The following CD209 variants were observed in gnomAD, a reference collection of about 807,000 sequenced individuals.
CD209 encodes CD209 antigen.
In CD209, 31 loss-of-function variants were observed where a neutral mutation model predicts 44.7. The ratio of observed to expected loss-of-function variants is 0.69; its 90% confidence interval spans 0.52 to 0.94. The LOEUF is 0.94. CD209 is among the 40% of genes least tolerant of loss of function. CD209 has a pLI of 0.00. For missense variants in CD209, 407 were observed against 452.4 expected (o/e 0.90, Z 0.91); for synonymous variants, 173 against 181.3 (o/e 0.95, Z 0.37).
chr19:7,744,365 C>T (rs2146319497), intron 5 of CD209, 146 bp from the exon 6 acceptor site: 2 of 637,594 alleles, frequency 3.1e-6, no homozygotes, highest in Admixed American at 2.7e-5. Flanking sequence ...TGTCTGAGTC[C>T]CTCTCACATG....
In CD209 at chr19:7,741,541, A is replaced by G. The variant is rs73921550; in HGVS notation, c.*1498T>C. On this transcript the variant is annotated 3_prime_UTR_variant, in exon 7 of 7. Coordinates refer to ENST00000315599, the MANE Select transcript of CD209 (RefSeq NM_021155.4). The stretch of plus-strand genomic sequence containing the variant: ...AACGTGGGGAGAGTGATTCAGTTCA[A>G]GGTCAGTTGCAACTTGGAACCTCAC... 444 of 617,580 alleles carry G rather than the reference A, an allele frequency of 7.2e-4. 5 individuals are homozygous for G. The highest frequency in any genetic ancestry group is 7.0e-3 in the African/African-American group (377 of 54,206). 38.3% of individuals were successfully genotyped at this position (617,580 alleles called of 1,614,324 possible). A position where few individuals can be genotyped will look rare whatever the true frequency, so the allele number is the denominator to read the frequency against.
In CD209 at chr19:7,745,063, A is replaced by C; in HGVS notation, c.778T>G (p.Trp260Gly). Reference sequence around the variant, plus strand: ...TAACAGTTTCCTTGGAAGAATGTCCATTCCCAGGGACAGGGGTGGCACAGG... The same window carrying C: ...TAACAGTTTCCTTGGAAGAATGTCCCTTCCCAGGGACAGGGGTGGCACAGG... ...ERLCHPCPWEWTFFQGNCYFM... is the reference protein window; with the variant it reads ...ERLCHPCPWEGTFFQGNCYFM... Residue 260 changes from tryptophan (W) to glycine (G), a missense_variant, in exon 5 of 7, where the codon TGG (tryptophan) becomes GGG (glycine). Coordinates refer to ENST00000315599, the MANE Select transcript of CD209 (RefSeq NM_021155.4). 3 of 1,614,228 alleles carry C rather than the reference A, an allele frequency of 1.9e-6. No individual in the cohort carries two copies. The highest frequency in any genetic ancestry group is 2.5e-6 in the Non-Finnish European group (3 of 1,180,028).
Position 7,746,522 on chromosome 19 carries a change from C to A in CD209, c.116G>T (p.Gly39Val), listed in dbSNP as rs2033832280. 1 of 1,613,794 alleles carries A rather than the reference C, an allele frequency of 6.2e-7. No homozygotes were observed. ...GAGTTGCAGCACCAGGGGACCATGG[C>A]CAAGACACCCTGAGAGAGGATACAT... is the stretch of plus-strand genomic sequence containing the variant. ...RGYKSLAGCL[G>V]HGPLVLQLLS... is the part of the protein sequence containing the mutation. Residue 39 changes from glycine (G) to valine (V), a missense_variant, in exon 3 of 7, where the codon GGC becomes GTC. Gly to Val is a moderately radical substitution (Grantham distance 109). Transcript: ENST00000315599.
In CD209 at chr19:7,747,315, T is replaced by C. The variant is rs1447997798; in HGVS notation, c.97A>G (p.Ser33Gly). The C allele has an allele frequency of 2.5e-6, 4 of 1,614,110 alleles. No individual in the cohort carries two copies. Among genetic ancestry groups the C allele is most frequent in the Non-Finnish European group, 3.4e-6 (4 of 1,180,048 alleles). Reference sequence around the variant, plus strand: ...GCTAAGTCCTCTCTACCTGCTAAGCTCTTGTATCCTCGAGTCTGTCGGAAT... The same window carrying C: ...GCTAAGTCCTCTCTACCTGCTAAGCCCTTGTATCCTCGAGTCTGTCGGAAT... ...LGFRQTRGYK[S>G]LAGCLGHGPL... Residue 33 changes from serine (S) to glycine (G), a missense_variant, in exon 2 of 7, where the codon AGC (serine) becomes GGC (glycine). Transcript: ENST00000315599.
chr19:7,743,203 C>T lies in CD209; in HGVS notation c.1051G>A (p.Val351Ile), dbSNP rs945126737. The T allele has an allele frequency of 1.2e-6, 2 of 1,614,168 alleles. No homozygotes were observed. The highest frequency in any genetic ancestry group is 8.5e-7 in the Non-Finnish European group (1 of 1,180,008). Residue 351 changes from valine to isoleucine, a missense_variant, in exon 7 of 7, where the codon GTT becomes ATT. Physicochemically the swap from Val to Ile is conservative, Grantham distance 29 (BLOSUM62 3). This residue lies in a region of CD209 where 200 missense variants were observed against 202.2 expected (regional missense o/e 0.99). Transcript: ENST00000315599. ...QYWNRGEPNN[V>I]GEEDCAEFSG... ...AATTCCGCGCAGTCTTCCTCCCCAA[C>T]GTTGTTGGGCTCTCCTCTGTTCCAA...
chr19:7,746,702 G>A (rs1180279684), intron 2 of CD209, among the ~76,000 whole-genome samples, 171 bp from the exon 3 acceptor site: 2 of 149,770 alleles, frequency 1.3e-5, no homozygotes, highest in Non-Finnish European at 3.0e-5. Flanking sequence ...AGGACCCAGG[G>A]ACCCCGTCCC....
Position 7,744,919 on chromosome 19 carries a change from C to T in CD209, c.900+22G>A, listed in dbSNP as rs199736139. 1,919 of 1,613,684 alleles carry T rather than the reference C, an allele frequency of 1.2e-3. 3 individuals carry two copies. The highest frequency in any genetic ancestry group is 4.3e-3 in the Middle Eastern group (26 of 6,062). ...CCAGAAGCCATGCCCTAGGCCAGGA[C>T]GGGGACCCCCACCAGGTGTACCTGC... On this transcript the variant is annotated intron_variant, in intron 5 of 6. Transcript: ENST00000315599.
In CD209 at chr19:7,740,915, C is replaced by G. The variant is rs367767330; in HGVS notation, c.*2124G>C. The G allele has an allele frequency of 2.1e-5, 15 of 729,786 alleles. No individual in the cohort carries two copies. Among genetic ancestry groups the G allele is most frequent in the South Asian group, 1.4e-4 (9 of 66,592 alleles). The allele number at this position is 729,786 out of a possible 1,614,324, so 45.2% of individuals were successfully genotyped here. ...CCACATGGCAAAACCCGGAACCCCC[C>G]CTTGGATTTCAGAGTCATGGAGAAG... On this transcript the variant is annotated 3_prime_UTR_variant, in exon 7 of 7. Transcript: ENST00000315599.
intron 3 of CD209, 77 bp from the exon 4 acceptor site, chr19:7,746,164 A>G (rs2033815017): frequency 6.3e-7 from 1 of 1,575,638 alleles, no homozygotes. Context: ...CCCCATAGGG[A>G]CATCATTTGT....
Position 7,741,652 on chromosome 19 carries a change from C to A in CD209, c.*1387G>T. 4 of 877,424 alleles carry A rather than the reference C, an allele frequency of 4.6e-6. No homozygotes were observed. Among genetic ancestry groups the A allele is most frequent in the Non-Finnish European group, 5.5e-6 (3 of 544,044 alleles). 54.4% of individuals were successfully genotyped at this position (877,424 alleles called of 1,614,324 possible). ...TCTGTTTAACGGACGATGGTATGTA[C>A]GCAGGACGACAGCTTCAGTGTGAAT... On this transcript the variant is annotated 3_prime_UTR_variant, in exon 7 of 7. Transcript: ENST00000315599.
intron 6 of CD209, among the ~76,000 whole-genome samples, chr19:7,743,823 C>A (rs112039104): frequency 0.036 from 5,515 of 152,230 alleles, 258 homozygotes; most frequent in African/African-American, 0.11. Context: ...TGGCAGGTGT[C>A]TCCTGAGCTG....
In CD209 at chr19:7,743,260, T is replaced by A. The variant is rs756319987; in HGVS notation, c.1014-20A>T. 1 of 1,604,104 alleles carries A rather than the reference T, an allele frequency of 6.2e-7. No homozygotes were observed. The highest frequency in any genetic ancestry group is 1.7e-5 in the Admixed American group (1 of 59,986). ...TTGAAGCTGCAAAGCCCATGCGGAA[T>A]GTGAGCCTCTGTCCCCGCCAGCTAC... On this transcript the variant is annotated intron_variant, in intron 6 of 6. Coordinates refer to ENST00000315599, the MANE Select transcript of CD209 (RefSeq NM_021155.4).
In CD209 at chr19:7,746,038, C is replaced by T. The variant is rs267605765; in HGVS notation, c.228G>A (p.Ala76=). 3.0e-5 allele frequency: 48 copies of T among 1,614,238 alleles called. No individual in the cohort carries two copies. The East Asian group carries it at 7.4e-4, about 25-fold the overall frequency. ...TAAGCTGGGTCAGGTTCTGGTAGAT[C>T]GCGTCTTGCCTGGATTGTTCCTGAC... ...SISQEQSRQD[A]IYQNLTQLKA... The change falls in exon 4 of 7, where the codon GCG becomes GCA. Residue 76 remains alanine, a synonymous_variant. Coordinates refer to ENST00000315599, the MANE Select transcript of CD209 (RefSeq NM_021155.4).
chr19:7,744,965 G>T lies in CD209; in HGVS notation c.876C>A (p.Val292=), dbSNP rs146541119. The T allele has an allele frequency of 6.2e-7, 1 of 1,614,186 alleles. No homozygotes were observed. The highest frequency in any genetic ancestry group is 2.2e-5 in the East Asian group (1 of 44,886). The change falls in exon 5 of 7, where the codon GTC becomes GTA. Residue 292 remains valine (V), a synonymous_variant. Transcript: ENST00000315599. ...TACKEVGAQL[V]VIKSAEEQNF... is the part of the protein sequence containing the mutation. ...CCTGCTCCTCAGCACTTTTGATTAC[G>T]ACGAGCTGGGCCCCCACTTCTTTGC...
rs1358194137 is a variant in CD209 at position 7,741,582 on chromosome 19, A to G, written c.*1457T>C. Reference sequence around the variant, plus strand: ...GGAACCTCACCTGAGGGGCAAGTATATATGTTCAGTACCAGTCGGAAGAAG... The same window carrying G: ...GGAACCTCACCTGAGGGGCAAGTATGTATGTTCAGTACCAGTCGGAAGAAG... On this transcript the variant is annotated 3_prime_UTR_variant, in exon 7 of 7. Transcript: ENST00000315599. The G allele has an allele frequency of 8.1e-6, 6 of 737,178 alleles. No homozygotes were observed. The highest frequency in any genetic ancestry group is 3.6e-5 in the Admixed American group (2 of 55,054). 45.7% of individuals were successfully genotyped at this position (737,178 alleles called of 1,614,324 possible). A position where few individuals can be genotyped will look rare whatever the true frequency, so the allele number is the denominator to read the frequency against.
In CD209 at chr19:7,741,065, A is replaced by T. The variant is rs11465413; in HGVS notation, c.*1974T>A. 0.13 allele frequency: 106,355 copies of T among 820,240 alleles called. 10,771 individuals are homozygous for T. The highest frequency in any genetic ancestry group is 0.43 in the African/African-American group (26,338 of 60,870). The allele number at this position is 820,240 out of a possible 1,614,324, so 50.8% of individuals were successfully genotyped here. On this transcript the variant is annotated 3_prime_UTR_variant, in exon 7 of 7. Coordinates refer to ENST00000315599, the MANE Select transcript of CD209 (RefSeq NM_021155.4). The stretch of plus-strand genomic sequence containing the variant: ...AAAAGCATGTTTACAGTGTTTGGAA[A>T]GGAGCAGTGCAGGAGGGATGACTAT...
Position 7,747,398 on chromosome 19 carries a change from C to G in CD209, c.47-33G>C, listed in dbSNP as rs755435491. ...GATAGACGTGAAATCAGAGCCTGGG[C>G]AGGCTGAGGCCATGGCTGGCCATCC... is the stretch of plus-strand genomic sequence containing the variant. On this transcript the variant is annotated intron_variant, in intron 1 of 6. Transcript: ENST00000315599. 5.0e-6 allele frequency: 8 copies of G among 1,614,122 alleles called. No homozygotes were observed. In the South Asian group the frequency reaches 8.8e-5, roughly 18 times the overall value.
At chr19:7,744,385 C>T (rs760697886) in intron 5 of CD209, among the ~76,000 whole-genome samples, 166 bp from the exon 6 acceptor site, 11 of 152,172 alleles carry the variant, frequency 7.2e-5, no homozygotes, top group African/African-American at 1.4e-4. Flanking sequence ...GTGTATCCCA[C>T]GGCACATGTG....
chr19:7,742,945 G>A lies in CD209; in HGVS notation c.*94C>T, dbSNP rs560294624. 4.1e-5 allele frequency: 42 copies of A among 1,028,078 alleles called. No homozygotes were observed. Among genetic ancestry groups the A allele is most frequent in the Non-Finnish European group, 5.5e-5 (37 of 667,374 alleles). The allele number at this position is 1,028,078 out of a possible 1,614,324, so 63.7% of individuals were successfully genotyped here. ...ACAGAATGGGACCCAGCCTTCTAAA[G>A]GAGGAAGAATCTGACAAAGAACAGT... is the stretch of plus-strand genomic sequence containing the variant. On this transcript the variant is annotated 3_prime_UTR_variant, in exon 7 of 7. Coordinates refer to ENST00000315599, the MANE Select transcript of CD209 (RefSeq NM_021155.4).
Sources: gnomAD v4.1 joint callset for allele counts (sites outside exome capture counted in the v4.1 genomes callset) on GRCh38, gnomAD v4.1.1 for gene constraint, gnomAD v4.1.1 regional missense constraint, MANE v1.5 for transcripts, NCBI Gene and HGNC (gene_info 2026-07-23, HGNC 2026-07-21) for gene names.